Variants in SH3RF2 observed in about 807,000 individuals in gnomAD.
The protein encoded by SH3RF2 is SH3 domain containing ring finger 2.
SH3RF2 carries 43 observed loss-of-function variants against 59.0 expected under a neutral mutation model. The observed-to-expected ratio is 0.73, with a 90% CI of 0.57 to 0.94. The LOEUF (loss-of-function observed/expected upper bound fraction) is 0.94, where lower values mean the gene tolerates loss of function less well. Among genes scored for constraint, SH3RF2 ranks in the 40% least tolerant of loss-of-function variants. The probability of loss-of-function intolerance (pLI) is 0.00; values close to 1 mark genes in which losing one functional copy is unlikely to be tolerated. For missense variants in SH3RF2, 930 were observed against 940.1 expected (o/e 0.99, Z 0.14); for synonymous variants, 391 against 391.5 (o/e 1.00, Z 0.01).
intron 9 of SH3RF2, among the ~76,000 whole-genome samples, chr5:146,076,253 G>A (rs1580963098): frequency 6.6e-6 from 1 of 152,158 alleles, no homozygotes; most frequent in East Asian, 1.9e-4. Context: ...TGCAGATGCT[G>A]TAATCTGGGA....
At chr5:146,064,667 AAAGAAAGAAAG>A (rs1763014677), downstream of SH3RF2, among the ~76,000 whole-genome samples, 4 of 4,290 alleles carry the variant, frequency 9.3e-4, no homozygotes, top group African/African-American at 2.0e-3. Context: ...AGAGAAAGAG[AAAGAAAGAAAG>A]AAAGAAAGAA....
chr5:145,977,214 CA>C (rs1455006678), intron 2 of SH3RF2, among the ~76,000 whole-genome samples: 10 of 152,232 alleles, frequency 6.6e-5, no homozygotes, highest in Non-Finnish European at 1.2e-4. Flanking sequence ...CATGCTAAAA[CA>C]AAAGACAAGA....
At chr5:146,070,564 C>G (rs1015328471) in intron 9 of SH3RF2, among the ~76,000 whole-genome samples, 5 of 152,176 alleles carry the variant, frequency 3.3e-5, no homozygotes, top group Non-Finnish European at 5.9e-5. Context: ...TTTGCATTCC[C>G]CAGGTCACTC....
intron 2 of SH3RF2, among the ~76,000 whole-genome samples, chr5:145,974,131 C>A (rs915036313): frequency 6.6e-6 from 1 of 152,124 alleles, no homozygotes; most frequent in Non-Finnish European, 1.5e-5. Context: ...AACTGAGAAC[C>A]CAGGCTTCTT....
intron 5 of SH3RF2, among the ~76,000 whole-genome samples, chr5:146,045,963 A>G (rs1264356286): frequency 6.6e-6 from 1 of 152,160 alleles, no homozygotes; most frequent in Non-Finnish European, 1.5e-5. Context: ...GAGGGTTTCC[A>G]TTTTTATACC....
intron 5 of SH3RF2, among the ~76,000 whole-genome samples, chr5:146,038,486 A>G (rs1762018208): frequency 6.6e-6 from 1 of 152,246 alleles, no homozygotes; most frequent in African/African-American, 2.4e-5. Flanking sequence ...AAGGTTGCTG[A>G]ATACAAATCA....
intron 2 of SH3RF2, among the ~76,000 whole-genome samples, chr5:145,962,420 C>G (rs1367169377): frequency 2.6e-5 from 4 of 152,208 alleles, no homozygotes; most frequent in Admixed American, 2.6e-4. Context: ...AAGTACTTCC[C>G]AATGCCTTAT....
intron 5 of SH3RF2, among the ~76,000 whole-genome samples, chr5:146,017,323 CTGCACA>C: frequency 6.6e-6 from 1 of 152,264 alleles, no homozygotes; most frequent in Non-Finnish European, 1.5e-5. Context: ...AGAAAATCAA[CTGCACA>C]TGACACAAGT....
chr5:145,996,532 A>C (rs188783522), intron 2 of SH3RF2, among the ~76,000 whole-genome samples: 1 of 108,886 alleles, frequency 9.2e-6, no homozygotes, highest in East Asian at 3.2e-4. Flanking sequence ...TTTTTAAAAA[A>C]CTGACGATTG....
At chr5:146,044,393 C>T (rs1233266389) in intron 5 of SH3RF2, among the ~76,000 whole-genome samples, 1 of 152,132 alleles carries the variant, frequency 6.6e-6, no homozygotes, top group Non-Finnish European at 1.5e-5. Flanking sequence ...TCATGATCCG[C>T]CCACCTCGGC....
Position 146,049,085 on chromosome 5 carries a change from C to T in SH3RF2, c.1162C>T (p.Leu388=). 2 of 1,614,132 alleles carry T rather than the reference C, an allele frequency of 1.2e-6. No individual in the cohort carries two copies. Among genetic ancestry groups the T allele is most frequent in the Non-Finnish European group, 1.7e-6 (2 of 1,180,022 alleles). The change falls in exon 7 of 10, where the codon CTG becomes TTG. Residue 388 remains leucine (L), a synonymous_variant. Coordinates refer to ENST00000359120, the MANE Select transcript of SH3RF2 (RefSeq NM_152550.4). ...TCTGTGTCTTCCCAGGTTTGTAGCC[C>T]TGCACTCCTACTCAGCCCATGGACC... ...QHLSANMFVA[L]HSYSAHGPDE... is the part of the protein sequence containing the mutation.
chr5:146,017,526 C>T (rs1761150139), intron 5 of SH3RF2, among the ~76,000 whole-genome samples: 1 of 152,012 alleles, frequency 6.6e-6, no homozygotes, highest in Non-Finnish European at 1.5e-5. Flanking sequence ...TCTTTCTCCC[C>T]TTCCCCTCCT....
At chr5:145,982,753 C>T (rs182463960) in intron 2 of SH3RF2, among the ~76,000 whole-genome samples, 1 of 152,262 alleles carries the variant, frequency 6.6e-6, no homozygotes, top group African/African-American at 2.4e-5. Context: ...TGGTCAAATT[C>T]CACCATGAGA....
chr5:145,965,400 T>C (rs888583624), intron 2 of SH3RF2, among the ~76,000 whole-genome samples: 2 of 152,134 alleles, frequency 1.3e-5, no homozygotes, highest in Non-Finnish European at 2.9e-5. Flanking sequence ...CCCAGAGTAA[T>C]TGATAAGCTG....
rs112795217 is a variant in SH3RF2 at position 146,013,627 on chromosome 5, A to G, written c.745-120A>G. 48 of 984,996 alleles carry G rather than the reference A, an allele frequency of 4.9e-5. 1 individual carries two copies. In the East Asian group the frequency reaches 1.1e-3, roughly 22 times the overall value. The allele number at this position is 984,996 out of a possible 1,614,324, so 61.0% of individuals were successfully genotyped here. ...TTACTGTGCTCACCAAGGAATGAGCATCTGAGCCAGTGACTGAGGAGGTGG... is the reference window on the plus strand; with the variant it reads ...TTACTGTGCTCACCAAGGAATGAGCGTCTGAGCCAGTGACTGAGGAGGTGG... On this transcript the variant is annotated intron_variant, in intron 4 of 9. Transcript: ENST00000359120.
At chr5:146,073,061 T>C (rs532007975) in intron 9 of SH3RF2, among the ~76,000 whole-genome samples, 5 of 152,348 alleles carry the variant, frequency 3.3e-5, no homozygotes, top group African/African-American at 9.6e-5. Context: ...ATGAGTTGTA[T>C]TATTGTCCCC....
intron 2 of SH3RF2, among the ~76,000 whole-genome samples, chr5:145,948,645 G>T (rs990056234): frequency 2.0e-5 from 3 of 152,230 alleles, no homozygotes; most frequent in African/African-American, 7.2e-5. Flanking sequence ...GTTAGAGAAG[G>T]CAGGAATAAA....
At chr5:146,036,901 A>G (rs1761954935) in intron 5 of SH3RF2, among the ~76,000 whole-genome samples, 1 of 152,196 alleles carries the variant, frequency 6.6e-6, no homozygotes, top group Admixed American at 6.5e-5. Context: ...CACCGGGGAA[A>G]AGGAAGAAAG....
At chr5:146,034,743 C>T (rs914462642) in intron 5 of SH3RF2, among the ~76,000 whole-genome samples, 9 of 152,112 alleles carry the variant, frequency 5.9e-5, no homozygotes, top group Non-Finnish European at 1.2e-4. Context: ...TTCAAGGAAC[C>T]ATGAGAGCAT....
Sources: allele counts gnomAD v4.1 joint callset (sites outside exome capture counted in the v4.1 genomes callset), GRCh38; gene constraint gnomAD v4.1.1; transcripts MANE v1.5; gene names NCBI Gene and HGNC (gene_info 2026-07-23, HGNC 2026-07-21).